The following SLC9A9 variants were observed in gnomAD, a reference collection of about 807,000 sequenced individuals.
The protein encoded by SLC9A9 is sodium/hydrogen exchanger 9.
Under a neutral mutation model 77.8 loss-of-function variants are expected in SLC9A9, and 62 were observed. That is an observed-to-expected ratio of 0.80 (90% CI 0.65 to 0.98). SLC9A9 has a LOEUF of 0.98. SLC9A9 is among the 50% of genes least tolerant of loss of function. SLC9A9 has a pLI of 0.00. For missense variants in SLC9A9, 775 were observed against 774.9 expected (o/e 1.00, Z 0.00); for synonymous variants, 320 against 283.5 (o/e 1.13, Z -1.29).
At chr3:143,413,809 C>T (rs933294950) in intron 12 of SLC9A9, among the ~76,000 whole-genome samples, 7 of 142,956 alleles carry the variant, frequency 4.9e-5, no homozygotes, top group East Asian at 2.0e-4. Flanking sequence ...TGTGTGTGTA[C>T]GTGCGTGCGC....
chr3:143,723,645 A>G (rs990099564), intron 4 of SLC9A9, among the ~76,000 whole-genome samples: 1 of 152,220 alleles, frequency 6.6e-6, no homozygotes, highest in African/African-American at 2.4e-5. Flanking sequence ...TGCAGGAAGC[A>G]TATTCCCTGA....
intron 6 of SLC9A9, among the ~76,000 whole-genome samples, chr3:143,602,319 T>C (rs1220940070): frequency 7.9e-5 from 12 of 152,198 alleles, no homozygotes; most frequent in Admixed American, 7.2e-4. Flanking sequence ...GCTAAGGTTC[T>C]GGCTCAGGCC....
intron 2 of SLC9A9, among the ~76,000 whole-genome samples, chr3:143,799,233 C>T (rs1273698256): frequency 6.6e-6 from 1 of 151,756 alleles, no homozygotes; most frequent in Admixed American, 6.6e-5. Flanking sequence ...CCCTTAGATG[C>T]TTTACTGCCC....
At chr3:143,440,120 G>A (rs1430473643) in intron 12 of SLC9A9, among the ~76,000 whole-genome samples, 1 of 152,232 alleles carries the variant, frequency 6.6e-6, no homozygotes, top group Admixed American at 6.5e-5. Flanking sequence ...GAATGGTGCA[G>A]AAAACACAAG....
intron 14 of SLC9A9, among the ~76,000 whole-genome samples, chr3:143,328,445 A>G (rs1418013809): frequency 6.6e-6 from 1 of 152,248 alleles, no homozygotes; most frequent in African/African-American, 2.4e-5. Context: ...ACAGTGAACC[A>G]TAAAGAGGCA....
chr3:143,491,243 T>C (rs2035739764), intron 11 of SLC9A9, among the ~76,000 whole-genome samples: 1 of 152,198 alleles, frequency 6.6e-6, no homozygotes. Context: ...AACTGGCTGA[T>C]TGGCATTCTC....
intron 4 of SLC9A9, among the ~76,000 whole-genome samples, chr3:143,766,298 C>T (rs1242054114): frequency 6.6e-6 from 1 of 152,040 alleles, no homozygotes; most frequent in Non-Finnish European, 1.5e-5. Flanking sequence ...TGAGAAAGTG[C>T]CTCATATTGA....
chr3:143,414,431 AT>A (rs1416474663), intron 12 of SLC9A9, among the ~76,000 whole-genome samples: 4 of 152,330 alleles, frequency 2.6e-5, no homozygotes, highest in Admixed American at 1.3e-4. Context: ...TGGCAACTGT[AT>A]GTTGAGCAAA....
intron 12 of SLC9A9, among the ~76,000 whole-genome samples, chr3:143,412,985 C>T (rs147267730): frequency 2.1e-3 from 323 of 152,344 alleles, no homozygotes; most frequent in African/African-American, 7.4e-3. Flanking sequence ...AAGTTTTAAA[C>T]AGAGGAACTG....
chr3:143,700,529 G>C (rs755274640), intron 4 of SLC9A9, among the ~76,000 whole-genome samples: 12 of 152,202 alleles, frequency 7.9e-5, no homozygotes, highest in Non-Finnish European at 1.5e-4. Context: ...AGTGGCCTGG[G>C]AGTACTTCCT....
chr3:143,314,820 G>C (rs2031147637), intron 14 of SLC9A9, among the ~76,000 whole-genome samples: 1 of 152,164 alleles, frequency 6.6e-6, no homozygotes, highest in Non-Finnish European at 1.5e-5. Flanking sequence ...GAGGCAGCTG[G>C]GTTAGCCTGG....
chr3:143,836,302 G>A (rs1028479088), intron 1 of SLC9A9, among the ~76,000 whole-genome samples: 1 of 152,134 alleles, frequency 6.6e-6, no homozygotes, highest in Non-Finnish European at 1.5e-5. Context: ...TCCTCAACCA[G>A]ACAATGAGAC....
At chr3:143,601,908 C>G (rs961523316) in intron 6 of SLC9A9, among the ~76,000 whole-genome samples, 24 of 151,842 alleles carry the variant, frequency 1.6e-4, no homozygotes, top group African/African-American at 5.1e-4. Flanking sequence ...TCTACCCTCA[C>G]TGTTCCTGCA....
intron 4 of SLC9A9, among the ~76,000 whole-genome samples, chr3:143,763,844 C>T (rs1399249229): frequency 1.3e-5 from 2 of 151,770 alleles, no homozygotes; most frequent in Non-Finnish European, 2.9e-5. Context: ...GGGATAGGGC[C>T]ATTAAATAAG....
chr3:143,486,148 T>A (rs1013351155), intron 11 of SLC9A9, among the ~76,000 whole-genome samples: 4 of 151,670 alleles, frequency 2.6e-5, no homozygotes, highest in African/African-American at 9.7e-5. Flanking sequence ...AAGAAAAAAA[T>A]AAAAAACAAA....
At chr3:143,515,377 G>T (rs894769336) in intron 9 of SLC9A9, among the ~76,000 whole-genome samples, 1 of 152,088 alleles carries the variant, frequency 6.6e-6, no homozygotes, top group Non-Finnish European at 1.5e-5. Context: ...GAGGCAGAGA[G>T]GCTTGCTCCA....
chr3:143,315,577 C>T (rs971089408), intron 14 of SLC9A9, among the ~76,000 whole-genome samples: 1 of 152,150 alleles, frequency 6.6e-6, no homozygotes, highest in African/African-American at 2.4e-5. Context: ...CTGGAAGATG[C>T]CATTTAGTCA....
At chr3:143,636,357 G>A (rs960085710) in intron 6 of SLC9A9, among the ~76,000 whole-genome samples, 1 of 152,146 alleles carries the variant, frequency 6.6e-6, no homozygotes, top group Non-Finnish European at 1.5e-5. Context: ...CATCTGTCTA[G>A]CCAGATTTCC....
chr3:143,442,555 T>C (rs1029909160), intron 12 of SLC9A9, among the ~76,000 whole-genome samples: 11 of 152,128 alleles, frequency 7.2e-5, no homozygotes, highest in African/African-American at 2.2e-4. Flanking sequence ...ACCCCGTCTC[T>C]ACTAAAAATA....
Sources: allele counts gnomAD v4.1 joint callset (sites outside exome capture counted in the v4.1 genomes callset), GRCh38; gene constraint gnomAD v4.1.1; transcripts MANE v1.5; gene names NCBI Gene and HGNC (gene_info 2026-07-23, HGNC 2026-07-21).